The following ARAP1 variants were observed in gnomAD, a reference collection of about 807,000 sequenced individuals.
ARAP1 encodes arf-GAP with Rho-GAP domain, ANK repeat and PH domain-containing protein 1.
Under a neutral mutation model 172.2 loss-of-function variants are expected in ARAP1, and 76 were observed. That is an observed-to-expected ratio of 0.44 (90% CI 0.37 to 0.53). The LOEUF (loss-of-function observed/expected upper bound fraction) is 0.53, where lower values mean the gene tolerates loss of function less well. Ranked by LOEUF, ARAP1 falls within the 20% of genes least tolerant of loss-of-function variation. ARAP1 has a pLI of 0.00. For missense variants in ARAP1, 1,686 were observed against 1,977.5 expected, an observed-to-expected ratio of 0.85 and a Z score of 2.80; for synonymous variants, 804 against 803.3, an observed-to-expected ratio of 1.00 and a Z score of -0.01.
intron 4 of ARAP1, among the ~76,000 whole-genome samples, chr11:72,713,860 A>G (rs1388355852): frequency 2.6e-5 from 4 of 151,776 alleles, no homozygotes; most frequent in South Asian, 4.1e-4. Flanking sequence ...AAAAAAAAAA[A>G]AAAAGAAAAG....
chr11:72,697,033 G>T lies in ARAP1; in HGVS notation c.3116C>A (p.Pro1039His), dbSNP rs1003615121. 1.1e-5 allele frequency: 17 copies of T among 1,609,822 alleles called. No individual in the cohort carries two copies. The East Asian group carries it at 3.6e-4, about 34-fold the overall frequency. Residue 1039 changes from proline (P) to histidine (H), a missense_variant, in exon 22 of 35, where the codon CCT becomes CAT. By Grantham distance (77) the Pro-to-His change is moderately conservative (BLOSUM62 -2). Around this residue, in one of 5 missense-constraint regions of ARAP1, gnomAD observed 274 missense variants for 262.7 expected, o/e 1.04. Coordinates refer to ENST00000393609, the MANE Select transcript of ARAP1 (RefSeq NM_001040118.3). Reference protein sequence around the residue: ...SALKRFLRDLPDGLFTRAQRL... With the variant: ...SALKRFLRDLHDGLFTRAQRL... ...CTGGGCGCGAGTGAAGAGCCCATCA[G>T]GCAGGTCGCGCAGGAAGCGCTTGAG...
At chr11:72,694,403 C>T (rs1404414483) in intron 27 of ARAP1, among the ~76,000 whole-genome samples, 6 of 151,838 alleles carry the variant, frequency 4.0e-5, no homozygotes, top group Non-Finnish European at 7.4e-5. Flanking sequence ...CCTCACTGCC[C>T]TCGTCTCCTT....
chr11:72,722,190 A>G, intron 3 of ARAP1: 2 of 985,520 alleles, frequency 2.0e-6, no homozygotes, highest in Non-Finnish European at 2.4e-6. Context: ...AGGGAGAGAG[A>G]GAGAGAGTGT....
At chr11:72,736,259 G>C (rs1446796021) in intron 1 of ARAP1, among the ~76,000 whole-genome samples, 1 of 111,996 alleles carries the variant, frequency 8.9e-6, no homozygotes, top group Non-Finnish European at 1.7e-5. Context: ...TTTTTTTTGA[G>C]ACAGGGAAGG....
At chr11:72,722,097 G>C in intron 3 of ARAP1, 5 of 985,422 alleles carry the variant, frequency 5.1e-6, no homozygotes, top group Non-Finnish European at 6.0e-6. Flanking sequence ...ACTTCTCTAC[G>C]TGCGTGTGTG....
In ARAP1 at chr11:72,699,461, G is replaced by T. The variant is rs1856375095; in HGVS notation, c.2394C>A (p.Ala798=). Residue 798 remains alanine, a synonymous_variant, in exon 17 of 35, where the codon GCC becomes GCA. Coordinates refer to ENST00000393609, the MANE Select transcript of ARAP1 (RefSeq NM_001040118.3). This position sits in a 1 kb window ranked among gnomAD's most constrained non-coding sequence, Gnocchi z 4.2. ...GCACTGCCAGGCACACAATCTCGCT[G>T]GCCCGAATCTCTCCATTGGGGGTCA... is the stretch of plus-strand genomic sequence containing the variant. ...RAVTPNGEIR[A]SEIVCLAVPP... 3 of 1,614,088 alleles carry T rather than the reference G, an allele frequency of 1.9e-6. No individual in the cohort carries two copies. The East Asian group carries it at 6.7e-5, about 36-fold the overall frequency.
At chr11:72,746,162 A>G (rs1591253633) in intron 1 of ARAP1, among the ~76,000 whole-genome samples, 1 of 151,598 alleles carries the variant, frequency 6.6e-6, no homozygotes, top group African/African-American at 2.4e-5. Context: ...GCCCTCCCCA[A>G]CCCCGCCCTA....
rs1858351595 is a variant in ARAP1, at chr11:72,745,874, T to C, written c.-128+6454A>G. Among the ~76,000 whole-genome samples, 3 of 152,158 alleles carry C rather than the reference T, an allele frequency of 2.0e-5. No individual in the cohort carries two copies. The South Asian group carries it at 6.2e-4, about 31-fold the overall frequency. ...AGAGCTGCTCCTGACCCGCAGCCTC[T>C]TGAGTGCAGCTGCTGTGCCCACAGG... On this transcript the variant is annotated intron_variant, in intron 1 of 34. Coordinates refer to ENST00000393609, the MANE Select transcript of ARAP1 (RefSeq NM_001040118.3).
chr11:72,744,100 C>T (rs1858283218), intron 1 of ARAP1, among the ~76,000 whole-genome samples: 1 of 152,154 alleles, frequency 6.6e-6, no homozygotes, highest in Non-Finnish European at 1.5e-5. Context: ...CTTGAGGAAG[C>T]AGTCTCCGAC....
Position 72,710,686 on chromosome 11 carries a change from C to A in ARAP1, c.1214-99G>T. The A allele has an allele frequency of 2.4e-6, 3 of 1,257,222 alleles. No individual in the cohort carries two copies. Among genetic ancestry groups the A allele is most frequent in the South Asian group, 3.0e-5 (2 of 66,780 alleles). 77.9% of individuals were successfully genotyped at this position (1,257,222 alleles called of 1,614,324 possible). On this transcript the variant is annotated intron_variant, in intron 9 of 34. Coordinates refer to ENST00000393609, the MANE Select transcript of ARAP1 (RefSeq NM_001040118.3). This position sits in a 1 kb window ranked among gnomAD's most constrained non-coding sequence, Gnocchi z 4.3. ...TCATGCAACACCTCCTCCAGAAAGC[C>A]CACTCAGATGCCCCCATCATTTTGC...
Position 72,696,541 on chromosome 11 carries a change from T to C in ARAP1, c.3272+8A>G, listed in dbSNP as rs752300571. On this transcript the variant is annotated splice_region_variant and intron_variant, in intron 23 of 34. Coordinates refer to ENST00000393609, the MANE Select transcript of ARAP1 (RefSeq NM_001040118.3). ...CCCCCAGAATCTCACAATGGTATCGTCCCTCACCAGTACAGGTGGCTGATA... is the reference window on the plus strand; with the variant it reads ...CCCCCAGAATCTCACAATGGTATCGCCCCTCACCAGTACAGGTGGCTGATA... 9 of 1,536,022 alleles carry C rather than the reference T, an allele frequency of 5.9e-6. No homozygotes were observed. Among genetic ancestry groups the C allele is most frequent in the Non-Finnish European group, 7.9e-6 (9 of 1,137,164 alleles).
At chr11:72,718,304 G>A (rs998236182) in intron 3 of ARAP1, among the ~76,000 whole-genome samples, 8 of 151,102 alleles carry the variant, frequency 5.3e-5, no homozygotes, top group African/African-American at 2.0e-4. Flanking sequence ...GAATGCCCCC[G>A]CCATAGCCCA....
At chr11:72,700,969 G>A (rs1856457367) in intron 16 of ARAP1, among the ~76,000 whole-genome samples, 1 of 152,232 alleles carries the variant, frequency 6.6e-6, no homozygotes, top group Admixed American at 6.5e-5. Context: ...TTGCACTCCA[G>A]CCTGGGCAAC....
At chr11:72,747,793 TG>T (rs560944107) in intron 1 of ARAP1, among the ~76,000 whole-genome samples, 3 of 152,218 alleles carry the variant, frequency 2.0e-5, no homozygotes, top group Non-Finnish European at 4.4e-5. Flanking sequence ...GCTCAGGATT[TG>T]ACGGCAATTA....
At chr11:72,722,412 C>T (rs550972169) in intron 3 of ARAP1, 8 of 956,630 alleles carry the variant, frequency 8.4e-6, no homozygotes, top group Non-Finnish European at 1.0e-5. Flanking sequence ...GCTGCACCCC[C>T]ACCCAAGCTG....
In ARAP1 at chr11:72,704,188, G is replaced by A. The variant is rs1330617761; in HGVS notation, c.1956C>T (p.Tyr652=). 2.5e-6 allele frequency: 4 copies of A among 1,613,946 alleles called. No homozygotes were observed. Among genetic ancestry groups the A allele is most frequent in the African/African-American group, 1.3e-5 (1 of 74,952 alleles). The part of the protein sequence containing the change: ...AKYREGKYRR[Y]HPLFGNQEEL... ...CCTCCTGGTTGCCAAAGAGCGGGTG[G>A]TAGCGGCGGTACTTGCCCTCACGGT... Residue 652 remains tyrosine (Y), a synonymous_variant, in exon 14 of 35, where the codon TAC becomes TAT. Transcript: ENST00000393609.
intron 34 of ARAP1, 139 bp downstream of exon 34, chr11:72,685,903 G>A: frequency 1.3e-6 from 2 of 1,502,550 alleles, no homozygotes; most frequent in Non-Finnish European, 1.8e-6. Context: ...AGGCCTATGA[G>A]GGCCCCCACC....
At position 72,711,161 on chromosome 11, in the gene ARAP1, T is replaced by G. The variant is rs1856996318; in HGVS notation, c.1093-20A>C. The G allele has an allele frequency of 2.5e-6, 4 of 1,613,662 alleles. No homozygotes were observed. Among genetic ancestry groups the G allele is most frequent in the African/African-American group, 1.3e-5 (1 of 74,876 alleles). On this transcript the variant is annotated intron_variant, in intron 8 of 34. Transcript: ENST00000393609. ...AGCGTCCTGGGGGAGAGACAGGAAC[T>G]ATATTTTGGGACCCAGCACCTCGCT...
intron 18 of ARAP1, among the ~76,000 whole-genome samples, chr11:72,698,502 C>T (rs1331462141): frequency 4.6e-5 from 7 of 152,328 alleles, no homozygotes; most frequent in Middle Eastern, 3.4e-3. Context: ...CCCAGGTCTC[C>T]GAGGGCTGAC....
Sources: allele counts gnomAD v4.1 joint callset (sites outside exome capture counted in the v4.1 genomes callset), GRCh38; gene constraint gnomAD v4.1.1; regional missense constraint gnomAD v4.1.1; non-coding constraint Gnocchi (gnomAD v3.1); transcripts MANE v1.5; gene names NCBI Gene and HGNC (gene_info 2026-07-23, HGNC 2026-07-21).